Variants in F12 observed in about 807,000 individuals in gnomAD.
The protein encoded by F12 is coagulation factor XII.
Under a neutral mutation model 74.8 loss-of-function variants are expected in F12, and 70 were observed. That is an observed-to-expected ratio of 0.94 (90% CI 0.77 to 1.14). The LOEUF is 1.14. Among genes scored for constraint, F12 ranks in the 50% most tolerant of loss-of-function variants. The pLI is 0.00. For missense variants in F12, 811 were observed against 835.7 expected, an observed-to-expected ratio of 0.97 and a Z score of 0.36; for synonymous variants, 373 against 356.4, an observed-to-expected ratio of 1.05 and a Z score of -0.52.
intron 13 of F12, 38 bp from the exon 14 acceptor site, chr5:177,402,497 A>T: frequency 1.3e-6 from 2 of 1,599,712 alleles, no homozygotes; most frequent in Non-Finnish European, 1.7e-6. Flanking sequence ...TGTGGACCTG[A>T]GATTTGTGCC....
rs750118485 is a variant in F12, at chr5:177,404,846, AGTGGCACAGGCG to A, written c.586_597del (p.Arg196_His199del). On this transcript the variant is annotated inframe_deletion, in exon 7 of 14. Transcript: ENST00000253496. ...AAGGCTCCGGTGTAGCCCACCGGGC[AGTGGCACAGGCG>A]GTGGCCCTCCACCTCTAGGCAGCGA... 1.2e-6 allele frequency: 2 copies of A among 1,610,040 alleles called. No individual in the cohort carries two copies. Among genetic ancestry groups the A allele is most frequent in the Non-Finnish European group, 1.7e-6 (2 of 1,179,078 alleles).
intron 2 of F12, among the ~76,000 whole-genome samples, chr5:177,407,343 T>C (rs1288667478): frequency 1.3e-5 from 2 of 152,214 alleles, no homozygotes; most frequent in Admixed American, 6.5e-5. Flanking sequence ...CTTCATGAGA[T>C]AATGCCATGA....
Position 177,405,101 on chromosome 5 carries a change from C to T in F12, c.482G>A (p.Cys161Tyr). The change falls in exon 6 of 14, where the codon TGC becomes TAC. Residue 161 changes from cysteine (C) to tyrosine (Y), a missense_variant. Transcript: ENST00000253496. ...GTGGGCATCAGGACCCTTGCACTGGCATCTGGCCACAGCTGCTTGCTCAGT... is the reference window on the plus strand; with the variant it reads ...GTGGGCATCAGGACCCTTGCACTGGTATCTGGCCACAGCTGCTTGCTCAGT... ...YRTEQAAVAR[C>Y]QCKGPDAHCQ... is the part of the protein sequence containing the mutation. The T allele has an allele frequency of 6.2e-7, 1 of 1,613,714 alleles. No individual in the cohort carries two copies. The highest frequency in any genetic ancestry group is 8.5e-7 in the Non-Finnish European group (1 of 1,180,022).
rs758462343 is a variant in F12 at position 177,404,184 on chromosome 5, C to G, written c.1018+12G>C. ...CCCTCTCGGCTCCTCCTTCCCCCCC[C>G]CACTTCCTAACCTCCCGGGGTCTGG... On this transcript the variant is annotated intron_variant, in intron 9 of 13. Coordinates refer to ENST00000253496, the MANE Select transcript of F12 (RefSeq NM_000505.4). 5.5e-4 allele frequency: 871 copies of G among 1,595,252 alleles called. 1 individual carries two copies. Among genetic ancestry groups the G allele is most frequent in the Admixed American group, 4.9e-4 (28 of 57,216 alleles).
intron 2 of F12, among the ~76,000 whole-genome samples, chr5:177,406,303 A>G (rs550799154): frequency 4.6e-5 from 7 of 152,274 alleles, no homozygotes; most frequent in Non-Finnish European, 8.8e-5. Flanking sequence ...CCTGGCTAAT[A>G]CAGTGAAACC....
rs1318820270 is a variant in F12, at chr5:177,405,914, G to A, written c.215+48C>T. 21 of 1,601,682 alleles carry A rather than the reference G, an allele frequency of 1.3e-5. No individual in the cohort carries two copies. The East Asian group carries it at 4.2e-4, about 32-fold the overall frequency. ...GTTCCTTGGACAGAAGGACAGGCAG[G>A]GTACATGTCTCCCAGGCCCCTGCTC... On this transcript the variant is annotated intron_variant, in intron 3 of 13. Coordinates refer to ENST00000253496, the MANE Select transcript of F12 (RefSeq NM_000505.4).
chr5:177,404,704 C>T, intron 7 of F12, 40 bp from the exon 8 acceptor site: 1 of 1,604,772 alleles, frequency 6.2e-7, no homozygotes, highest in Non-Finnish European at 8.5e-7. Flanking sequence ...CAAGGCTGGG[C>T]TCTCCTGCCT....
chr5:177,404,974 C>G, intron 6 of F12, 60 bp from the exon 7 acceptor site: 1 of 1,588,752 alleles, frequency 6.3e-7, no homozygotes, highest in Non-Finnish European at 8.5e-7. Flanking sequence ...GAGAGCTCTC[C>G]TTCCTGGCAC....
At chr5:177,408,654 G>A (rs535446937) in intron 2 of F12, among the ~76,000 whole-genome samples, 4 of 152,344 alleles carry the variant, frequency 2.6e-5, no homozygotes, top group Admixed American at 2.0e-4. Context: ...CTGGGCTTCA[G>A]AGGCATTCAG....
chr5:177,405,634 G>A lies in F12; in HGVS notation c.286+101C>T, dbSNP rs761729378. 405 of 1,305,478 alleles carry A rather than the reference G, an allele frequency of 3.1e-4. 2 individuals carry two copies. The Middle Eastern group carries it at 3.4e-3, about 11-fold the overall frequency. 80.9% of individuals were successfully genotyped at this position (1,305,478 alleles called of 1,614,324 possible). A position where few individuals can be genotyped will look rare whatever the true frequency, so the allele number is the denominator to read the frequency against. On this transcript the variant is annotated intron_variant, in intron 4 of 13. Coordinates refer to ENST00000253496, the MANE Select transcript of F12 (RefSeq NM_000505.4). ...AGGGTATTGTGGAGGGAGAGAAGGG[G>A]CTGGGTCCAGAATCCCAGGTGTGTG...
Position 177,403,300 on chromosome 5 carries a change from G to A in F12, c.1485C>T (p.Ser495=), listed in dbSNP as rs113304533. Residue 495 remains serine, a synonymous_variant, in exon 12 of 14, where the codon TCC becomes TCT. Transcript: ENST00000253496. The stretch of plus-strand genomic sequence containing the variant: ...CGGCCACCTGGCAGAGCGTGGTCTC[G>A]GAGGGTCGCGCGGCGCCGCTTGGCA... ...VCLPSGAARP[S]ETTLCQVAGW... 3 of 1,599,892 alleles carry A rather than the reference G, an allele frequency of 1.9e-6. No homozygotes were observed. The highest frequency in any genetic ancestry group is 1.7e-6 in the Non-Finnish European group (2 of 1,179,808).
At position 177,402,438 on chromosome 5, in the gene F12, C is replaced by T. The variant is rs776278673; in HGVS notation, c.1702G>A (p.Val568Met). The change falls in exon 14 of 14, where the codon GTG becomes ATG. Residue 568 changes from valine to methionine, a missense_variant. Transcript: ENST00000253496. ...CGCTCTGCAGCTTGGTCCTCACACA[C>T]CAGCGGGCCTCCGGAATCACCCTGG... ...ACQGDSGGPL[V>M]CEDQAAERRL... 1 of 1,610,080 alleles carries T rather than the reference C, an allele frequency of 6.2e-7. No individual in the cohort carries two copies. The highest frequency in any genetic ancestry group is 8.5e-7 in the Non-Finnish European group (1 of 1,178,474).
In F12 at chr5:177,409,083, G is replaced by A; in HGVS notation, c.78C>T (p.Pro26=). The part of the protein sequence containing the change: ...STLSIPPWEA[P]KEHKYKAEEH... ...CTTCAGCTTTGTACTTATGCTCCTT[G>A]GGGGCTTCCCAAGGTGGAATCTACA... Residue 26 remains proline (P), a synonymous_variant, in exon 2 of 14, where the codon CCC becomes CCT. Transcript: ENST00000253496. 6.4e-7 allele frequency: 1 copy of A among 1,551,688 alleles called. No homozygotes were observed. The highest frequency in any genetic ancestry group is 8.7e-7 in the Non-Finnish European group (1 of 1,147,048).
At chr5:177,406,718 A>G (rs1009607630) in intron 2 of F12, among the ~76,000 whole-genome samples, 2 of 152,222 alleles carry the variant, frequency 1.3e-5, no homozygotes, top group African/African-American at 4.8e-5. Flanking sequence ...ATAATAGTAC[A>G]GTTGATCCTC....
intron 6 of F12, 31 bp from the exon 7 acceptor site, chr5:177,404,945 G>A (rs767906945): frequency 1.9e-6 from 3 of 1,586,952 alleles, no homozygotes; most frequent in Admixed American, 3.5e-5. Flanking sequence ...AGCCACCCCT[G>A]GGCCTAAAGA....
chr5:177,409,364 T>C (rs1028014404), intron 1 of F12, 107 bp downstream of exon 1: 1 of 1,362,928 alleles, frequency 7.3e-7, no homozygotes, highest in African/African-American at 1.4e-5. Context: ...CACATAGGCC[T>C]CCTAGTCACC....
In F12 at chr5:177,409,095, A is replaced by G; in HGVS notation, c.66T>C (p.Pro22=). ...ACTTATGCTCCTTGGGGGCTTCCCA[A>G]GGTGGAATCTACAAGGGAGAGAAGA... The part of the protein sequence containing the change: ...VSLESTLSIP[P]WEAPKEHKYK... The change falls in exon 2 of 14, where the codon CCT becomes CCC. Residue 22 remains proline (P), a synonymous_variant. Transcript: ENST00000253496. 1 of 1,551,722 alleles carries G rather than the reference A, an allele frequency of 6.4e-7. No individual in the cohort carries two copies. The highest frequency in any genetic ancestry group is 1.2e-5 in the South Asian group (1 of 84,066).
At chr5:177,405,461 A>T (rs1418205035) in intron 4 of F12, 28 bp from the exon 5 acceptor site, 1 of 1,601,326 alleles carries the variant, frequency 6.2e-7, no homozygotes, top group Non-Finnish European at 8.5e-7. Context: ...TGGAAGGAAG[A>T]GCAGGGAGCT....
chr5:177,404,772 G>A (rs564522933), intron 7 of F12, 38 bp downstream of exon 7: 33 of 1,586,974 alleles, frequency 2.1e-5, no homozygotes, highest in Admixed American at 1.8e-5. Flanking sequence ...CGTCCCACCT[G>A]GGGGCTGGCC....
Sources: allele counts gnomAD v4.1 joint callset (sites outside exome capture counted in the v4.1 genomes callset), GRCh38; gene constraint gnomAD v4.1.1; transcripts MANE v1.5; gene names NCBI Gene and HGNC (gene_info 2026-07-23, HGNC 2026-07-21).